The following ASTN1 variants were observed in gnomAD, a reference collection of about 807,000 sequenced individuals.
The protein encoded by ASTN1 is astrotactin-1.
ASTN1 carries 41 observed loss-of-function variants against 140.7 expected under a neutral mutation model. The ratio of observed to expected loss-of-function variants is 0.29; its 90% CI spans 0.23 to 0.38. The LOEUF is 0.38. Ranked by LOEUF, ASTN1 falls within the 10% of genes least tolerant of loss-of-function variation. The pLI, the probability that ASTN1 is intolerant of heterozygous loss-of-function variation, is 1.00. For missense variants in ASTN1, 1,479 were observed against 1,678.8 expected, an observed-to-expected ratio of 0.88 and a Z score of 2.08; for synonymous variants, 640 against 652.2, an observed-to-expected ratio of 0.98 and a Z score of 0.29.
At chr1:177,017,755 A>C (rs1675630777) in intron 7 of ASTN1, among the ~76,000 whole-genome samples, 1 of 152,144 alleles carries the variant, frequency 6.6e-6, no homozygotes, top group Admixed American at 6.5e-5. Flanking sequence ...AAGGCCCTGA[A>C]AGGTAGTTGG....
intron 8 of ASTN1, among the ~76,000 whole-genome samples, chr1:176,968,929 G>A (rs1393041311): frequency 6.6e-6 from 1 of 152,174 alleles, no homozygotes; most frequent in African/African-American, 2.4e-5. Flanking sequence ...GAAGGCTGGT[G>A]TTGGCAGTGC....
intron 2 of ASTN1, among the ~76,000 whole-genome samples, chr1:177,058,900 G>A (rs1464593502): frequency 6.6e-6 from 1 of 151,618 alleles, no homozygotes; most frequent in Admixed American, 6.6e-5. Context: ...GGGATAGATG[G>A]TAGGGTGCTT....
At chr1:177,100,758 TC>T in intron 1 of ASTN1, among the ~76,000 whole-genome samples, 2 of 152,258 alleles carry the variant, frequency 1.3e-5, no homozygotes, top group African/African-American at 4.8e-5. Flanking sequence ...GGTTTCAGGA[TC>T]CTTTCACAAT....
At chr1:176,893,525 T>G (rs1182677328) in intron 17 of ASTN1, among the ~76,000 whole-genome samples, 2 of 152,212 alleles carry the variant, frequency 1.3e-5, no homozygotes, top group African/African-American at 4.8e-5. Context: ...CGGTGAAATA[T>G]CTGTGGCTGA....
At chr1:176,944,074 T>A in intron 13 of ASTN1, 56 bp from the exon 14 acceptor site, 1 of 1,563,924 alleles carries the variant, frequency 6.4e-7, no homozygotes, top group South Asian at 1.2e-5. Flanking sequence ...GACTCCTTAC[T>A]GAGCATTTTT....
intron 1 of ASTN1, among the ~76,000 whole-genome samples, chr1:177,147,341 C>G (rs989259457): frequency 1.3e-5 from 2 of 152,184 alleles, no homozygotes; most frequent in Non-Finnish European, 2.9e-5. Flanking sequence ...CATACATTCA[C>G]TAAGTAGGTA....
At chr1:177,145,677 T>A (rs1014183677) in intron 1 of ASTN1, among the ~76,000 whole-genome samples, 1 of 152,206 alleles carries the variant, frequency 6.6e-6, no homozygotes, top group African/African-American at 2.4e-5. Flanking sequence ...TCAGTCAGTC[T>A]GTCAGTCAGT....
chr1:176,955,699 G>A (rs145008162), intron 11 of ASTN1, among the ~76,000 whole-genome samples: 5 of 152,294 alleles, frequency 3.3e-5, no homozygotes, highest in African/African-American at 4.8e-5. Flanking sequence ...GCATAGCTAC[G>A]TGCCAAGTAA....
At chr1:177,032,204 G>T (rs954832562) in intron 3 of ASTN1, among the ~76,000 whole-genome samples, 3 of 152,160 alleles carry the variant, frequency 2.0e-5, no homozygotes, top group Non-Finnish European at 4.4e-5. Flanking sequence ...TCTGTTGAAC[G>T]TTAAAGTATG....
intron 2 of ASTN1, among the ~76,000 whole-genome samples, chr1:177,044,683 T>C (rs1247161316): frequency 6.6e-6 from 1 of 152,184 alleles, no homozygotes; most frequent in African/African-American, 2.4e-5. Flanking sequence ...GCCAGAGACA[T>C]TGGAGTGATA....
intron 5 of ASTN1, among the ~76,000 whole-genome samples, chr1:177,028,009 C>T (rs1676214713): frequency 2.0e-5 from 3 of 152,002 alleles, no homozygotes; most frequent in Admixed American, 2.0e-4. Flanking sequence ...CAATCCAATT[C>T]AACAAACACT....
chr1:176,907,907 C>A (rs1390447255), intron 16 of ASTN1, among the ~76,000 whole-genome samples: 1 of 152,166 alleles, frequency 6.6e-6, no homozygotes, highest in Non-Finnish European at 1.5e-5. Context: ...TTTTAGGTCA[C>A]CTTCCTGCAC....
At chr1:177,085,035 G>A (rs1206646647) in intron 1 of ASTN1, among the ~76,000 whole-genome samples, 1 of 152,144 alleles carries the variant, frequency 6.6e-6, no homozygotes, top group Non-Finnish European at 1.5e-5. Context: ...TTAAGGAATG[G>A]AGAAATGAAC....
In ASTN1 at chr1:176,863,583, G is replaced by A; in HGVS notation, c.*701C>T. The A allele has an allele frequency of 2.0e-6, 2 of 985,442 alleles. 1 individual carries two copies. The highest frequency in any genetic ancestry group is 9.4e-5 in the South Asian group (2 of 21,286). The allele number at this position is 985,442 out of a possible 1,614,324, so 61.0% of individuals were successfully genotyped here. ...TCAAAGATCATGTTGTTCAGAGGAA[G>A]GGACAGAGATCTGACAGAGGGAGAT... On this transcript the variant is annotated 3_prime_UTR_variant, in exon 23 of 23. Coordinates refer to ENST00000361833, the MANE Select transcript of ASTN1 (RefSeq NM_004319.3).
chr1:176,976,113 A>C (rs1044317745), intron 8 of ASTN1: 1 of 152,334 alleles, frequency 6.6e-6, no homozygotes, highest in Admixed American at 6.5e-5. Context: ...CAATTATATG[A>C]GATGCATATT....
chr1:176,995,273 A>G (rs1446384686), intron 8 of ASTN1, among the ~76,000 whole-genome samples: 2 of 152,236 alleles, frequency 1.3e-5, no homozygotes, highest in Admixed American at 6.5e-5. Context: ...AGACCAGTGA[A>G]CAGATGATTA....
chr1:176,953,778 G>T (rs1374808037), intron 11 of ASTN1, among the ~76,000 whole-genome samples: 9 of 152,156 alleles, frequency 5.9e-5, no homozygotes, highest in African/African-American at 2.2e-4. Context: ...TGGCAAGGAA[G>T]GTCGTGTGTT....
intron 16 of ASTN1, among the ~76,000 whole-genome samples, chr1:176,923,330 A>T (rs1034599986): frequency 1.3e-5 from 2 of 152,190 alleles, no homozygotes; most frequent in African/African-American, 4.8e-5. Context: ...AGATAAGAAA[A>T]TTATTTTGAA....
intron 1 of ASTN1, among the ~76,000 whole-genome samples, chr1:177,138,150 AG>A (rs1277195291): frequency 6.6e-6 from 1 of 152,210 alleles, no homozygotes; most frequent in Non-Finnish European, 1.5e-5. Context: ...GGAGAAAGAA[AG>A]ATGCCACTTT....
Sources: gnomAD v4.1 joint callset for allele counts (sites outside exome capture counted in the v4.1 genomes callset) on GRCh38, gnomAD v4.1.1 for gene constraint, MANE v1.5 for transcripts, NCBI Gene and HGNC (gene_info 2026-07-23, HGNC 2026-07-21) for gene names.